The following DCC variants were observed in gnomAD, a reference collection of about 807,000 sequenced individuals.
DCC encodes netrin receptor DCC.
In DCC, 58 loss-of-function variants were observed where a neutral mutation model predicts 172.5. The ratio of observed to expected loss-of-function variants is 0.34; its 90% CI spans 0.27 to 0.42. DCC has a LOEUF of 0.42. Among genes scored for constraint, DCC ranks in the 10% least tolerant of loss-of-function variants. The pLI is 1.00. For missense variants in DCC, 1,740 were observed against 1,791.0 expected, an observed-to-expected ratio of 0.97 and a Z score of 0.51; for synonymous variants, 709 against 644.5, an observed-to-expected ratio of 1.10 and a Z score of -1.52.
chr18:52,684,057 C>T (rs2035790614), intron 1 of DCC, among the ~76,000 whole-genome samples: 1 of 152,076 alleles, frequency 6.6e-6, no homozygotes, highest in Admixed American at 6.6e-5. Context: ...GTGTTTATTT[C>T]CATGACGCTT....
At chr18:52,412,305 A>C (rs2144406009) in intron 1 of DCC, among the ~76,000 whole-genome samples, 1 of 152,258 alleles carries the variant, frequency 6.6e-6, no homozygotes, top group East Asian at 1.9e-4. Context: ...TTACATGACT[A>C]TCATGGTTAA....
At chr18:52,951,405 AT>A (rs2040644394) in intron 5 of DCC, among the ~76,000 whole-genome samples, 1 of 151,898 alleles carries the variant, frequency 6.6e-6, no homozygotes, top group Non-Finnish European at 1.5e-5. Context: ...CATGCATTAG[AT>A]ATTTGTCCTA....
chr18:52,804,902 A>T (rs2145234593), intron 2 of DCC, among the ~76,000 whole-genome samples: 1 of 152,344 alleles, frequency 6.6e-6, no homozygotes, highest in Non-Finnish European at 1.5e-5. Flanking sequence ...GTTTTAAAAA[A>T]ATATGCCTGG....
intron 7 of DCC, among the ~76,000 whole-genome samples, chr18:53,100,002 A>AGTG (rs1476119833): frequency 1.5e-5 from 2 of 130,788 alleles, no homozygotes; most frequent in Admixed American, 8.6e-5. Context: ...GCTGGAGTGC[A>AGTG]GTGGCACAAT....
intron 2 of DCC, among the ~76,000 whole-genome samples, chr18:52,798,053 T>C (rs1444194280): frequency 6.6e-6 from 1 of 152,128 alleles, no homozygotes; most frequent in Non-Finnish European, 1.5e-5. Flanking sequence ...TGCACGAAGG[T>C]TGCTTGCACG....
At chr18:52,887,406 T>G (rs1210760439) in intron 2 of DCC, among the ~76,000 whole-genome samples, 2 of 152,144 alleles carry the variant, frequency 1.3e-5, no homozygotes, top group Admixed American at 1.3e-4. Flanking sequence ...TATATTAGGT[T>G]TATTCCATCT....
rs532676207 is a variant in DCC at position 52,582,772 on chromosome 18, G to GTT, written c.92-169282_92-169281insTT. ...TACTCTCTTTTATAGCTAGCCACCA[G>GTT]CTGTGAAATTGAGACTAGTCAGGAA... On this transcript the variant is annotated intron_variant, in intron 1 of 28. Coordinates refer to ENST00000442544, the MANE Select transcript of DCC (RefSeq NM_005215.4). 2.4e-3 allele frequency among the ~76,000 whole-genome samples: 366 copies of GTT among 152,300 alleles called. 2 individuals are homozygous for GTT. Among genetic ancestry groups the GTT allele is most frequent in the African/African-American group, 8.1e-3 (337 of 41,566 alleles).
intron 12 of DCC, among the ~76,000 whole-genome samples, chr18:53,242,871 GGTGTGTGTGTGT>G (rs3059140): frequency 0.05 from 7,388 of 148,504 alleles, 440 homozygotes; most frequent in African/African-American, 0.15. Context: ...ATGACAAGTA[GGTGTGTGTGTGT>G]GTGTGTGTGT....
chr18:53,486,881 A>G lies in DCC; in HGVS notation c.3821A>G (p.His1274Arg). The change falls in exon 26 of 29, where the codon CAC becomes CGC. Residue 1274 changes from histidine to arginine, a missense_variant. By Grantham distance (29) the His-to-Arg change is conservative (BLOSUM62 0). Coordinates refer to ENST00000442544, the MANE Select transcript of DCC (RefSeq NM_005215.4). ...CCGTCTCCCACCTGTGGATATCCCC[A>G]CCCGCAGTTCACTCTCCGGCCTGTG... The part of the protein sequence containing the change: ...ILPSPTCGYP[H>R]PQFTLRPVPF... 1 of 1,613,990 alleles carries G rather than the reference A, an allele frequency of 6.2e-7. No homozygotes were observed. The highest frequency in any genetic ancestry group is 8.5e-7 in the Non-Finnish European group (1 of 1,180,016).
intron 22 of DCC, among the ~76,000 whole-genome samples, chr18:53,449,409 C>A (rs905115306): frequency 6.6e-6 from 1 of 152,214 alleles, no homozygotes; most frequent in African/African-American, 2.4e-5. Context: ...TTTCCACCTA[C>A]ATATTTTCTG....
At chr18:52,364,673 T>A (rs141175838) in intron 1 of DCC, among the ~76,000 whole-genome samples, 1 of 152,232 alleles carries the variant, frequency 6.6e-6, no homozygotes, top group Non-Finnish European at 1.5e-5. Context: ...AAATTATTTT[T>A]GGATTAGTTA....
At chr18:53,497,883 C>T (rs1044203223) in intron 26 of DCC, among the ~76,000 whole-genome samples, 2 of 152,134 alleles carry the variant, frequency 1.3e-5, no homozygotes, top group Non-Finnish European at 1.5e-5. Context: ...CTTCAAACTC[C>T]TTGGGATTCT....
At chr18:52,774,380 G>C (rs531284428) in intron 2 of DCC, among the ~76,000 whole-genome samples, 1 of 152,332 alleles carries the variant, frequency 6.6e-6, no homozygotes, top group Admixed American at 6.5e-5. Context: ...CCCCAAGGTA[G>C]GAGTGAGGGA....
At chr18:52,722,651 G>C (rs2036490283) in intron 1 of DCC, among the ~76,000 whole-genome samples, 1 of 152,082 alleles carries the variant, frequency 6.6e-6, no homozygotes, top group African/African-American at 2.4e-5. Context: ...CCTCCCAATT[G>C]TTCAGACGCA....
intron 1 of DCC, among the ~76,000 whole-genome samples, chr18:52,471,503 C>T (rs549608563): frequency 2.6e-5 from 4 of 152,220 alleles, no homozygotes; most frequent in East Asian, 1.9e-4. Flanking sequence ...TACATTCTAT[C>T]GACTTAGGTA....
chr18:53,302,739 C>T (rs2057155785), intron 12 of DCC, among the ~76,000 whole-genome samples: 1 of 152,114 alleles, frequency 6.6e-6, no homozygotes, highest in Non-Finnish European at 1.5e-5. Context: ...ACATTAAATT[C>T]TAGACTTAGA....
chr18:52,403,457 A>T (rs1986517217), intron 1 of DCC, among the ~76,000 whole-genome samples: 1 of 152,038 alleles, frequency 6.6e-6, no homozygotes, highest in African/African-American at 2.4e-5. Flanking sequence ...CACCCTGATT[A>T]ACAGCCCAAT....
intron 1 of DCC, among the ~76,000 whole-genome samples, chr18:52,724,703 G>A (rs1374196456): frequency 6.6e-6 from 1 of 152,094 alleles, no homozygotes; most frequent in African/African-American, 2.4e-5. Flanking sequence ...CTCTTTCATA[G>A]CAGCCTAAAA....
Position 53,179,004 on chromosome 18 carries a change from C to G in DCC, c.1461C>G (p.Leu487=), listed in dbSNP as rs762499040. ...LNTTQPGSLQ[L]TVGNLKPEAM... is the part of the protein sequence containing the mutation. ...CAACACAGCCTGGGTCCCTTCAGCT[C>G]ACTGTGGGAAACCTGAAGCCAGAAG... The change falls in exon 9 of 29, where the codon CTC becomes CTG. Residue 487 remains leucine (L), a synonymous_variant. Transcript: ENST00000442544. 1 of 1,614,012 alleles carries G rather than the reference C, an allele frequency of 6.2e-7. No homozygotes were observed. The highest frequency in any genetic ancestry group is 2.2e-5 in the East Asian group (1 of 44,876).
Sources: allele counts gnomAD v4.1 joint callset (sites outside exome capture counted in the v4.1 genomes callset), GRCh38; gene constraint gnomAD v4.1.1; transcripts MANE v1.5; gene names NCBI Gene and HGNC (gene_info 2026-07-23, HGNC 2026-07-21).